FRS2: variants seen among roughly 807,000 people sequenced by gnomAD.
FRS2 encodes fibroblast growth factor receptor substrate 2.
In FRS2, 8 loss-of-function variants were observed where a neutral mutation model predicts 43.9. That is an observed-to-expected ratio of 0.18 (90% CI 0.11 to 0.33). FRS2 has a LOEUF of 0.33. Among genes scored for constraint, FRS2 ranks in the 10% least tolerant of loss-of-function variants. FRS2 has a pLI of 1.00. For synonymous variants in FRS2, 219 were observed against 220.3 expected (o/e 0.99, Z 0.05); for missense variants, 534 against 627.6 (o/e 0.85, Z 1.59).
rs1188328244 is a variant in FRS2 at position 69,562,204 on chromosome 12, A to G, written c.-97A>G. ...GGTTAAATCAGCAAACAAAGAAAAC[A>G]TGGTATTTTGAAATATGATTAAACT... On this transcript the variant is annotated 5_prime_UTR_variant, in exon 4 of 9. The change abolishes an upstream ATG in the 5' untranslated region. Coordinates refer to ENST00000549921, the MANE Select transcript of FRS2 (RefSeq NM_001278356.2). 2 of 398,286 alleles carry G rather than the reference A, an allele frequency of 5.0e-6. No individual in the cohort carries two copies. The highest frequency in any genetic ancestry group is 4.4e-5 in the Admixed American group (1 of 22,722). The allele number at this position is 398,286 out of a possible 1,614,324, so 24.7% of individuals were successfully genotyped here.
chr12:69,503,081 A>G (rs1042195322), intron 1 of FRS2, among the ~76,000 whole-genome samples: 2 of 152,274 alleles, frequency 1.3e-5, no homozygotes, highest in African/African-American at 2.4e-5. Context: ...TTTCTTGTCT[A>G]TAGGCTCTGG....
chr12:69,479,383 G>A (rs1005683365), intron 1 of FRS2, among the ~76,000 whole-genome samples: 1 of 137,118 alleles, frequency 7.3e-6, no homozygotes, highest in Non-Finnish European at 1.5e-5. Flanking sequence ...CAGTTAATCT[G>A]TTGTTTCTTT....
intron 3 of FRS2, 89 bp from the exon 4 acceptor site, chr12:69,562,091 T>G (rs191433221): frequency 7.6e-6 from 3 of 394,058 alleles, no homozygotes; most frequent in Non-Finnish European, 1.3e-5. Flanking sequence ...TTAAATAGAT[T>G]AACTGAACTA....
intron 3 of FRS2, among the ~76,000 whole-genome samples, chr12:69,537,524 T>C (rs1877430100): frequency 6.6e-6 from 1 of 152,214 alleles, no homozygotes; most frequent in African/African-American, 2.4e-5. Flanking sequence ...CTTTGACTGC[T>C]AGTATTGCTG....
At chr12:69,525,200 T>C (rs893699930) in intron 1 of FRS2, among the ~76,000 whole-genome samples, 1 of 152,108 alleles carries the variant, frequency 6.6e-6, no homozygotes, top group African/African-American at 2.4e-5. Flanking sequence ...TTGTTTTTTT[T>C]TTTTTTACTA....
intron 3 of FRS2, among the ~76,000 whole-genome samples, chr12:69,557,594 T>TTGTGTGTGTGTGTGTG (rs376896422): frequency 0.01 from 1,419 of 136,980 alleles, 7 homozygotes; most frequent in African/African-American, 0.019. Context: ...TGAAGGTTGA[T>TTGTGTGTGTGTGTGTG]TGTGTGTGTG....
chr12:69,522,741 AT>A (rs1217935948), intron 1 of FRS2, among the ~76,000 whole-genome samples: 1 of 152,120 alleles, frequency 6.6e-6, no homozygotes, highest in East Asian at 1.9e-4. Flanking sequence ...AGTGCTATAA[AT>A]TTCCCTCTTC....
intron 1 of FRS2, among the ~76,000 whole-genome samples, chr12:69,513,689 C>T (rs1592966448): frequency 6.6e-6 from 1 of 152,046 alleles, no homozygotes; most frequent in Non-Finnish European, 1.5e-5. Flanking sequence ...ATATGGTTTT[C>T]TGATAATAAT....
In FRS2 at chr12:69,562,194, C is replaced by T; in HGVS notation, c.-107C>T. 1 of 398,094 alleles carries T rather than the reference C, an allele frequency of 2.5e-6. No individual in the cohort carries two copies. The highest frequency in any genetic ancestry group is 4.4e-6 in the Non-Finnish European group (1 of 225,828). 24.7% of individuals were successfully genotyped at this position (398,094 alleles called of 1,614,324 possible). On this transcript the variant is annotated 5_prime_UTR_variant, in exon 4 of 9. Transcript: ENST00000549921. ...TCTGTTTTTAGGTTAAATCAGCAAA[C>T]AAAGAAAACATGGTATTTTGAAATA...
chr12:69,472,900 G>A lies in FRS2; in HGVS notation c.-261+2370G>A, dbSNP rs118184244. ...TGCTTCATGAAAAGCGCTATACTAG[G>A]CATTTTAGGATATAAAGATTAAACT... On this transcript the variant is annotated intron_variant, in intron 1 of 8. Coordinates refer to ENST00000549921, the MANE Select transcript of FRS2 (RefSeq NM_001278356.2). Among the ~76,000 whole-genome samples the A allele has an allele frequency of 2.0e-4, 30 of 152,296 alleles. No individual in the cohort carries two copies. In the East Asian group the frequency reaches 5.8e-3, roughly 29 times the overall value.
In FRS2 at chr12:69,562,189, GCAAA is replaced by G. The variant is rs1475075537; in HGVS notation, c.-107_-104del. On this transcript the variant is annotated 5_prime_UTR_variant, in exon 4 of 9. It removes the in-frame stop codon of an upstream open reading frame in the 5' UTR. Coordinates refer to ENST00000549921, the MANE Select transcript of FRS2 (RefSeq NM_001278356.2). ...TTTCTTCTGTTTTTAGGTTAAATCA[GCAAA>G]CAAAGAAAACATGGTATTTTGAAAT... The G allele has an allele frequency of 2.5e-6, 1 of 398,020 alleles. No individual in the cohort carries two copies. The highest frequency in any genetic ancestry group is 4.4e-5 in the Admixed American group (1 of 22,692). 24.7% of individuals were successfully genotyped at this position (398,020 alleles called of 1,614,324 possible).
rs566313554 is a variant in FRS2, at chr12:69,492,468, A to T, written c.-261+21938A>T. ...GTGGAAATGGCTGTAATTGTCAGGA[A>T]GATTTATGGAATCTGAGAAAAAGGA... On this transcript the variant is annotated intron_variant, in intron 1 of 8. Transcript: ENST00000549921. 2.5e-4 allele frequency among the ~76,000 whole-genome samples: 38 copies of T among 152,362 alleles called. 1 individual carries two copies. Among genetic ancestry groups the T allele is most frequent in the East Asian group, 9.6e-4 (5 of 5,194 alleles).
At chr12:69,521,166 T>C (rs531362804) in intron 1 of FRS2, among the ~76,000 whole-genome samples, 1 of 152,284 alleles carries the variant, frequency 6.6e-6, no homozygotes, top group South Asian at 2.1e-4. Flanking sequence ...TGTGTGGCAA[T>C]TGTGAACAGA....
intron 1 of FRS2, among the ~76,000 whole-genome samples, chr12:69,501,127 G>T (rs1873402207): frequency 6.6e-6 from 1 of 150,872 alleles, no homozygotes; most frequent in Non-Finnish European, 1.5e-5. Flanking sequence ...AATTTAAGAT[G>T]AACTTTTTCT....
chr12:69,575,051 T>C lies in FRS2; in HGVS notation c.*96T>C. On this transcript the variant is annotated 3_prime_UTR_variant, in exon 9 of 9. Transcript: ENST00000549921. ...CATTTCTAAACACTAACTCCTTTTA[T>C]AGACTGATAAAATTTTTTTCTGAAT... is the stretch of plus-strand genomic sequence containing the variant. 2.6e-6 allele frequency: 2 copies of C among 780,590 alleles called. No individual in the cohort carries two copies. The highest frequency in any genetic ancestry group is 1.8e-5 in the South Asian group (1 of 55,328). The allele number at this position is 780,590 out of a possible 1,614,324, so 48.4% of individuals were successfully genotyped here.
At chr12:69,482,548 T>C (rs1871437997) in intron 1 of FRS2, among the ~76,000 whole-genome samples, 1 of 152,218 alleles carries the variant, frequency 6.6e-6, no homozygotes, top group Non-Finnish European at 1.5e-5. Flanking sequence ...GAGCCTACTA[T>C]ATTAGGCATT....
intron 3 of FRS2, among the ~76,000 whole-genome samples, chr12:69,546,182 G>A (rs1029942318): frequency 6.6e-6 from 1 of 152,110 alleles, no homozygotes; most frequent in African/African-American, 2.4e-5. Context: ...CATATGAAAA[G>A]ATGTTTAACA....
chr12:69,494,348 C>T (rs1328920289), intron 1 of FRS2, among the ~76,000 whole-genome samples: 3 of 152,178 alleles, frequency 2.0e-5, no homozygotes, highest in Non-Finnish European at 4.4e-5. Flanking sequence ...AGTGTCTACT[C>T]TCTGCCTAGG....
At chr12:69,489,197 G>T (rs1307120376) in intron 1 of FRS2, among the ~76,000 whole-genome samples, 1 of 152,132 alleles carries the variant, frequency 6.6e-6, no homozygotes, top group East Asian at 1.9e-4. Context: ...GGTGTTTGAT[G>T]CCTTTTAGGG....
Sources: allele counts gnomAD v4.1 joint callset (sites outside exome capture counted in the v4.1 genomes callset), GRCh38; gene constraint gnomAD v4.1.1; transcripts MANE v1.5; gene names NCBI Gene and HGNC (gene_info 2026-07-23, HGNC 2026-07-21).